The following DOCK1 variants were observed in gnomAD, a reference collection of about 807,000 sequenced individuals.
DOCK1 encodes dedicator of cytokinesis protein 1.
Under a neutral mutation model 262.7 loss-of-function variants are expected in DOCK1, and 138 were observed. The observed-to-expected ratio is 0.53, with a 90% confidence interval of 0.46 to 0.61. The LOEUF (loss-of-function observed/expected upper bound fraction) is 0.61. Ranked by LOEUF, DOCK1 falls within the 20% of genes least tolerant of loss-of-function variation. The pLI, the probability that DOCK1 is intolerant of heterozygous loss-of-function variation, is 0.00. For missense variants in DOCK1, 1,908 were observed against 2,370.7 expected, an observed-to-expected ratio of 0.80 and a Z score of 4.05; for synonymous variants, 866 against 867.4, an observed-to-expected ratio of 1.00 and a Z score of 0.03.
chr10:127,290,678 G>A (rs1181211843), intron 29 of DOCK1, among the ~76,000 whole-genome samples: 2 of 152,192 alleles, frequency 1.3e-5, no homozygotes, highest in Non-Finnish European at 2.9e-5. Flanking sequence ...GGCTCATACA[G>A]TAGGTAACCT....
At chr10:127,088,340 T>C (rs1335773041) in intron 23 of DOCK1, among the ~76,000 whole-genome samples, 1 of 152,228 alleles carries the variant, frequency 6.6e-6, no homozygotes, top group Non-Finnish European at 1.5e-5. Flanking sequence ...ACCATTTTTT[T>C]CTTGATTGTA....
intron 1 of DOCK1, among the ~76,000 whole-genome samples, chr10:126,960,807 CA>C: frequency 7.1e-6 from 1 of 140,408 alleles, no homozygotes; most frequent in African/African-American, 2.7e-5. Flanking sequence ...CACACACACA[CA>C]CATAGATATA....
At chr10:127,001,872 T>C (rs2040618107) in intron 10 of DOCK1, among the ~76,000 whole-genome samples, 1 of 152,124 alleles carries the variant, frequency 6.6e-6, no homozygotes, top group Admixed American at 6.6e-5. Flanking sequence ...CATCTTTCTG[T>C]CTTTTTGTTT....
chr10:127,342,347 T>TA (rs990218836), intron 30 of DOCK1, among the ~76,000 whole-genome samples: 9 of 151,880 alleles, frequency 5.9e-5, no homozygotes, highest in East Asian at 3.9e-4. Flanking sequence ...TAAAGGGGGC[T>TA]AAAAAAAAGA....
At chr10:127,306,938 A>T (rs1412067446) in intron 29 of DOCK1, among the ~76,000 whole-genome samples, 1 of 152,244 alleles carries the variant, frequency 6.6e-6, no homozygotes, top group Non-Finnish European at 1.5e-5. Context: ...CGTTAAATTC[A>T]CCATAATTGA....
intron 27 of DOCK1, among the ~76,000 whole-genome samples, chr10:127,167,625 T>G (rs1033765121): frequency 3.9e-5 from 6 of 152,142 alleles, no homozygotes; most frequent in African/African-American, 1.4e-4. Context: ...CTCCTCTCAT[T>G]TGGACCATGT....
In DOCK1 at chr10:126,993,972, TG is replaced by T. The variant is rs370896750; in HGVS notation, c.474-2775del. On this transcript the variant is annotated intron_variant, in intron 6 of 51. Coordinates refer to ENST00000623213, the MANE Select transcript of DOCK1 (RefSeq NM_001290223.2). ...GGCAATTCAACTTTCCTCTTTAATTTGTAACTATAAAGATGTTCTCTAATTG... is the reference window on the plus strand; with the variant it reads ...GGCAATTCAACTTTCCTCTTTAATTTTAACTATAAAGATGTTCTCTAATTG... Among the ~76,000 whole-genome samples, 72 of 152,352 alleles carry T rather than the reference TG, an allele frequency of 4.7e-4. 1 individual carries two copies. The East Asian group carries it at 0.011, about 24-fold the overall frequency.
chr10:127,204,408 T>G (rs2134261765), intron 27 of DOCK1, among the ~76,000 whole-genome samples: 1 of 152,282 alleles, frequency 6.6e-6, no homozygotes, highest in South Asian at 2.1e-4. Context: ...TGCCTCAGCC[T>G]CCTGAGTAGC....
chr10:127,266,570 T>C (rs2060366722), intron 29 of DOCK1, among the ~76,000 whole-genome samples: 1 of 152,016 alleles, frequency 6.6e-6, no homozygotes, highest in Admixed American at 6.6e-5. Flanking sequence ...ATGCATAAAA[T>C]AGAGAGGGCA....
At chr10:127,394,351 G>GAAAAA (rs1406419300) in intron 38 of DOCK1, among the ~76,000 whole-genome samples, 1 of 62,538 alleles carries the variant, frequency 1.6e-5, no homozygotes, top group African/African-American at 6.8e-5. Context: ...TTGCACCAAT[G>GAAAAA]TAAAAAAAAA....
At chr10:127,324,070 A>C (rs2062653913) in intron 29 of DOCK1, among the ~76,000 whole-genome samples, 1 of 152,208 alleles carries the variant, frequency 6.6e-6, no homozygotes, top group Non-Finnish European at 1.5e-5. Context: ...TCCCAGGATG[A>C]AGGAACAGCA....
At chr10:127,142,356 T>TCAGGAGG (rs1189066237) in intron 27 of DOCK1, among the ~76,000 whole-genome samples, 9 of 152,118 alleles carry the variant, frequency 5.9e-5, no homozygotes, top group Non-Finnish European at 1.3e-4. Flanking sequence ...CTCCAGCAGC[T>TCAGGAGG]CAGGAGGCAG....
At chr10:126,952,353 ATAT>A (rs2036329406) in intron 1 of DOCK1, among the ~76,000 whole-genome samples, 2 of 145,906 alleles carry the variant, frequency 1.4e-5, no homozygotes, top group African/African-American at 5.1e-5. Flanking sequence ...GGTGGTGGTA[ATAT>A]TGTTACTGTT....
chr10:127,154,056 TCCCAG>T (rs2052779822), intron 27 of DOCK1: 1 of 658,142 alleles, frequency 1.5e-6, no homozygotes, highest in Non-Finnish European at 2.7e-6. Flanking sequence ...AATGCATGCT[TCCCAG>T]TTTGCTCCTG....
At chr10:127,102,011 G>T (rs2048282886) in intron 23 of DOCK1, among the ~76,000 whole-genome samples, 1 of 152,116 alleles carries the variant, frequency 6.6e-6, no homozygotes, top group African/African-American at 2.4e-5. Flanking sequence ...ACGATTTAGT[G>T]CTCTTTTGAA....
At chr10:127,416,373 C>G (rs1200664353) in intron 44 of DOCK1, among the ~76,000 whole-genome samples, 3 of 152,192 alleles carry the variant, frequency 2.0e-5, no homozygotes, top group African/African-American at 7.2e-5. Context: ...AACAGAAGAG[C>G]AGGCCCTCCA....
At chr10:126,942,413 G>A (rs1451260379) in intron 1 of DOCK1, among the ~76,000 whole-genome samples, 2 of 152,138 alleles carry the variant, frequency 1.3e-5, no homozygotes, top group Admixed American at 6.5e-5. Flanking sequence ...GTTTCTTTTC[G>A]AGTGGGGTGA....
At chr10:127,237,331 C>T (rs1294265687) in intron 27 of DOCK1, among the ~76,000 whole-genome samples, 4 of 148,174 alleles carry the variant, frequency 2.7e-5, no homozygotes, top group Admixed American at 2.0e-4. Flanking sequence ...TTGCACTCCA[C>T]CCTGGGTAAC....
At chr10:127,290,910 C>T (rs1041741039) in intron 29 of DOCK1, among the ~76,000 whole-genome samples, 3 of 152,138 alleles carry the variant, frequency 2.0e-5, no homozygotes, top group Non-Finnish European at 4.4e-5. Context: ...TGTGTGTGCA[C>T]AAAAGTTTTT....
Sources: allele counts gnomAD v4.1 joint callset (sites outside exome capture counted in the v4.1 genomes callset), GRCh38; gene constraint gnomAD v4.1.1; transcripts MANE v1.5; gene names NCBI Gene and HGNC (gene_info 2026-07-23, HGNC 2026-07-21).